The following ZNF626 variants were observed in gnomAD, a reference collection of about 807,000 sequenced individuals.
ZNF626 encodes the protein CTC-513N18.7.
In ZNF626, 4 loss-of-function variants were observed where a neutral mutation model predicts 11.7. The observed-to-expected ratio is 0.34, with a 90% CI of 0.17 to 0.78. ZNF626 has a LOEUF of 0.78. ZNF626 is among the 30% of genes least tolerant of loss of function. The pLI is 0.57. For synonymous variants in ZNF626, 179 were observed against 198.6 expected, an observed-to-expected ratio of 0.90 and a Z score of 0.83; for missense variants, 588 against 587.1, an observed-to-expected ratio of 1.00 and a Z score of -0.01.
chr19:20,628,018 G>C (rs1251677057), intron 3 of ZNF626, among the ~76,000 whole-genome samples: 3 of 152,162 alleles, frequency 2.0e-5, no homozygotes, highest in Admixed American at 2.0e-4. Flanking sequence ...CTATTAGTGA[G>C]AACATGCGGT....
At position 20,624,140 on chromosome 19, in the gene ZNF626, G is replaced by A. The variant is rs963545988; in HGVS notation, c.*150C>T. On this transcript the variant is annotated 3_prime_UTR_variant, in exon 4 of 4. Transcript: ENST00000601440. Reference sequence around the variant, plus strand: ...GTATGAAATCTCTTATGTGTAGTAAGTTTAGAGGAGTGCTTAAAGGCTTTG... The same window carrying A: ...GTATGAAATCTCTTATGTGTAGTAAATTTAGAGGAGTGCTTAAAGGCTTTG... 4.7e-6 allele frequency: 6 copies of A among 1,289,272 alleles called. No individual in the cohort carries two copies. In the African/African-American group the frequency reaches 5.8e-5, roughly 13 times the overall value. The allele number at this position is 1,289,272 out of a possible 1,614,324, so 79.9% of individuals were successfully genotyped here.
At chr19:20,655,807 T>C (rs274810) in intron 1 of ZNF626, among the ~76,000 whole-genome samples, 77,784 of 151,554 alleles carry the variant, frequency 0.51, 23,122 homozygotes, top group African/African-American at 0.82. Flanking sequence ...TGGTGGCGGG[T>C]GCCTGTAGTC....
rs576884859 is a variant in ZNF626, at chr19:20,654,595, G to A, written c.3+6849C>T. Among the ~76,000 whole-genome samples the A allele has an allele frequency of 6.6e-5, 10 of 151,978 alleles. No individual in the cohort carries two copies. The South Asian group carries it at 2.1e-3, about 32-fold the overall frequency. On this transcript the variant is annotated intron_variant, in intron 1 of 3. Transcript: ENST00000601440. Reference sequence around the variant, plus strand: ...GTGGTGGCAGGCGCCTGTAGTCCCAGCTACTCGGGAGGCTGAGGCAGGAGA... The same window carrying A: ...GTGGTGGCAGGCGCCTGTAGTCCCAACTACTCGGGAGGCTGAGGCAGGAGA...
In ZNF626 at chr19:20,648,935, A is replaced by G. The variant is rs192267090; in HGVS notation, c.4-2530T>C. Among the ~76,000 whole-genome samples, 303 of 152,350 alleles carry G rather than the reference A, an allele frequency of 2.0e-3. 1 individual carries two copies. The highest frequency in any genetic ancestry group is 7.0e-3 in the African/African-American group (291 of 41,570). ...AGAAGGCTCTGAAATATAGGAAAGAAATATTTTTCAGACTCTTGACTATCG... is the reference window on the plus strand; with the variant it reads ...AGAAGGCTCTGAAATATAGGAAAGAGATATTTTTCAGACTCTTGACTATCG... On this transcript the variant is annotated intron_variant, in intron 1 of 3. Coordinates refer to ENST00000601440, the MANE Select transcript of ZNF626 (RefSeq NM_001076675.3).
intron 2 of ZNF626, 132 bp from the exon 3 acceptor site, chr19:20,645,911 AT>A: frequency 1.5e-6 from 1 of 659,392 alleles, no homozygotes; most frequent in Non-Finnish European, 2.3e-6. Context: ...TGTAACAGAA[AT>A]TTTTAAATAA....
In ZNF626 at chr19:20,645,572, T is replaced by G; in HGVS notation, c.226+112A>C. The G allele has an allele frequency of 1.9e-6, 3 of 1,555,120 alleles. No individual in the cohort carries two copies. The South Asian group carries it at 3.7e-5, about 19-fold the overall frequency. On this transcript the variant is annotated intron_variant, in intron 3 of 3. Transcript: ENST00000601440. The stretch of plus-strand genomic sequence containing the variant: ...AAACAAAAAATAGCTGCCCAAGAAC[T>G]ATTTCCTTTGGAACACAGCTCCCCA...
At chr19:20,632,361 T>C (rs1192064207) in intron 3 of ZNF626, among the ~76,000 whole-genome samples, 1 of 152,246 alleles carries the variant, frequency 6.6e-6, no homozygotes, top group Non-Finnish European at 1.5e-5. Flanking sequence ...GAAGTTCTCC[T>C]GGATAATATC....
intron 1 of ZNF626, among the ~76,000 whole-genome samples, chr19:20,648,405 C>T (rs918726559): frequency 1.7e-4 from 25 of 145,772 alleles, no homozygotes; most frequent in Admixed American, 1.2e-3. Context: ...GAGATGGAGT[C>T]TGGCTCTGTT....
chr19:20,636,045 T>C (rs185668361), intron 3 of ZNF626, among the ~76,000 whole-genome samples: 1 of 152,268 alleles, frequency 6.6e-6, no homozygotes, highest in East Asian at 1.9e-4. Flanking sequence ...GGTAGGAGAA[T>C]GGCATGAACC....
chr19:20,643,371 C>CTT (rs144697010), intron 3 of ZNF626, among the ~76,000 whole-genome samples: 63,237 of 151,466 alleles, frequency 0.42, 14,706 homozygotes, highest in African/African-American at 0.62. Context: ...GAAATAAACT[C>CTT]ATTATTTATA....
intron 3 of ZNF626, among the ~76,000 whole-genome samples, chr19:20,637,532 A>C (rs1969979863): frequency 6.6e-6 from 1 of 152,010 alleles, no homozygotes; most frequent in East Asian, 1.9e-4. Context: ...TACCATATAA[A>C]ATAATTTTAA....
At chr19:20,661,286 T>G (rs1229773905) in intron 1 of ZNF626, among the ~76,000 whole-genome samples, 158 bp downstream of exon 1, 1 of 152,156 alleles carries the variant, frequency 6.6e-6, no homozygotes, top group African/African-American at 2.4e-5. Flanking sequence ...CAGCTGCCAT[T>G]TTATGGCTGA....
intron 2 of ZNF626, 48 bp from the exon 3 acceptor site, chr19:20,645,827 T>C (rs781930927): frequency 1.4e-6 from 2 of 1,462,952 alleles, no homozygotes; most frequent in Non-Finnish European, 1.9e-6. Flanking sequence ...TGTTCTCCAA[T>C]TACAAGCTAG....
chr19:20,647,485 T>A lies in ZNF626; in HGVS notation c.4-1080A>T, dbSNP rs906686967. On this transcript the variant is annotated intron_variant, in intron 1 of 3. Coordinates refer to ENST00000601440, the MANE Select transcript of ZNF626 (RefSeq NM_001076675.3). ...ACTGTTAACTGCACTAGGACAATGG[T>A]TTTTTTTTTTTTTTTTTTTGAGACG... Among the ~76,000 whole-genome samples, 4 of 50,890 alleles carry A rather than the reference T, an allele frequency of 7.9e-5. No individual in the cohort carries two copies. The South Asian group carries it at 2.4e-3, about 30-fold the overall frequency. 33.4% of individuals were successfully genotyped at this position (50,890 alleles called of 152,430 possible).
rs371320750 is a variant in ZNF626, at chr19:20,620,200, C to T, written c.*4090G>A. ...ACAAAGTTGCCTGTGCTTTAATACA[C>T]GGATTCTGGGGAGAATCCGAGCCAT... On this transcript the variant is annotated 3_prime_UTR_variant, in exon 4 of 4. Coordinates refer to ENST00000601440, the MANE Select transcript of ZNF626 (RefSeq NM_001076675.3). 5 of 152,078 alleles carry T rather than the reference C, an allele frequency of 3.3e-5. No homozygotes were observed. Among genetic ancestry groups the T allele is most frequent in the East Asian group, 1.9e-4 (1 of 5,194 alleles). 9.4% of individuals were successfully genotyped at this position (152,078 alleles called of 1,614,324 possible).
intron 3 of ZNF626, among the ~76,000 whole-genome samples, chr19:20,629,088 G>C (rs1465470811): frequency 5.3e-5 from 8 of 152,176 alleles, no homozygotes; most frequent in African/African-American, 1.9e-4. Context: ...AGGTCAGATA[G>C]TTGTAGGTAA....
At chr19:20,640,323 C>T (rs940321844) in intron 3 of ZNF626, among the ~76,000 whole-genome samples, 47 of 135,328 alleles carry the variant, frequency 3.5e-4, no homozygotes, top group African/African-American at 1.0e-3. Context: ...GGAAAAAATA[C>T]GGGAAAAAGA....
Position 20,622,659 on chromosome 19 carries a change from TCTC to T in ZNF626, c.*1628_*1630del, listed in dbSNP as rs769036235. On this transcript the variant is annotated 3_prime_UTR_variant, in exon 4 of 4. Coordinates refer to ENST00000601440, the MANE Select transcript of ZNF626 (RefSeq NM_001076675.3). Reference sequence around the variant, plus strand: ...AATGTAAATACAAAGCTTCAAAAAATCTCCTTTTAAAGTTATATACTAATTTAT... The same window carrying T: ...AATGTAAATACAAAGCTTCAAAAAATCTTTTAAAGTTATATACTAATTTAT... 3 of 152,146 alleles carry T rather than the reference TCTC, an allele frequency of 2.0e-5. No homozygotes were observed. Among genetic ancestry groups the T allele is most frequent in the Admixed American group, 6.5e-5 (1 of 15,278 alleles). 9.4% of individuals were successfully genotyped at this position (152,146 alleles called of 1,614,324 possible). A position where few individuals can be genotyped will look rare whatever the true frequency, so the allele number is the denominator to read the frequency against.
intron 1 of ZNF626, among the ~76,000 whole-genome samples, chr19:20,653,284 C>A (rs1970167621): frequency 6.6e-6 from 1 of 151,956 alleles, no homozygotes; most frequent in South Asian, 2.1e-4. Context: ...AATAACAGAA[C>A]AGAAAGAAAA....
Sources: gnomAD v4.1 joint callset for allele counts (sites outside exome capture counted in the v4.1 genomes callset) on GRCh38, gnomAD v4.1.1 for gene constraint, MANE v1.5 for transcripts, NCBI Gene and HGNC (gene_info 2026-07-23, HGNC 2026-07-21) for gene names.